Variants in NEGR1 observed in about 807,000 individuals in gnomAD.
The protein encoded by NEGR1 is IgLON family member 4.
In NEGR1, 10 loss-of-function variants were observed where a neutral mutation model predicts 40.9. The ratio of observed to expected loss-of-function variants is 0.24; its 90% CI spans 0.15 to 0.42. The LOEUF (loss-of-function observed/expected upper bound fraction) is 0.42, where lower values mean the gene tolerates loss of function less well. NEGR1 is among the 10% of genes least tolerant of loss of function. The pLI is 1.00. For missense variants in NEGR1, 352 were observed against 438.9 expected (o/e 0.80, Z 1.77); for synonymous variants, 185 against 166.8 (o/e 1.11, Z -0.84).
chr1:71,818,199 A>T (rs1291733046), intron 2 of NEGR1, among the ~76,000 whole-genome samples: 5 of 152,002 alleles, frequency 3.3e-5, no homozygotes, highest in African/African-American at 1.2e-4. Flanking sequence ...TACCCACAGG[A>T]ATATAAATCA....
intron 1 of NEGR1, among the ~76,000 whole-genome samples, chr1:72,099,585 C>T (rs530897466): frequency 1.3e-5 from 2 of 152,052 alleles, no homozygotes; most frequent in Admixed American, 6.6e-5. Flanking sequence ...ACTTATCACT[C>T]GCTCTGGTCC....
At chr1:72,270,801 T>C (rs1309206959) in intron 1 of NEGR1, among the ~76,000 whole-genome samples, 1 of 151,832 alleles carries the variant, frequency 6.6e-6, no homozygotes, top group African/African-American at 2.4e-5. Context: ...GAGCATAAAA[T>C]TTGTGATTCC....
intron 4 of NEGR1, among the ~76,000 whole-genome samples, chr1:71,675,170 T>C (rs977787307): frequency 2.6e-5 from 3 of 117,264 alleles, no homozygotes; most frequent in African/African-American, 8.8e-5. Flanking sequence ...TTAAAGCAGG[T>C]GTTAGCATGC....
intron 3 of NEGR1, among the ~76,000 whole-genome samples, chr1:71,766,259 A>C (rs1209642085): frequency 6.6e-6 from 1 of 152,084 alleles, no homozygotes; most frequent in Non-Finnish European, 1.5e-5. Context: ...TAAAGATGTA[A>C]GAAAAAGATA....
At chr1:72,229,335 AAATAT>A (rs954065607) in intron 1 of NEGR1, among the ~76,000 whole-genome samples, 10 of 148,788 alleles carry the variant, frequency 6.7e-5, no homozygotes, top group South Asian at 2.1e-4. Flanking sequence ...TATTATATTA[AAATAT>A]AATATAATAT....
chr1:72,236,427 T>A lies in NEGR1; in HGVS notation c.176+45892A>T, dbSNP rs868027826. 2.7e-5 allele frequency among the ~76,000 whole-genome samples: 4 copies of A among 150,758 alleles called. No individual in the cohort carries two copies. In the Middle Eastern group the frequency reaches 0.01, roughly 385 times the overall value. On this transcript the variant is annotated intron_variant, in intron 1 of 6. Transcript: ENST00000357731. ...CACATGTATCCCAGAACTTAAAGTA[T>A]AATAAAAAAAAGAAGAAGAAGAAAA...
chr1:71,756,060 A>G (rs939372328), intron 3 of NEGR1, among the ~76,000 whole-genome samples: 4 of 152,180 alleles, frequency 2.6e-5, no homozygotes, highest in Non-Finnish European at 5.9e-5. Flanking sequence ...TTTTTAATAC[A>G]TGAGAGATAT....
At chr1:71,724,710 CCT>C (rs1654617538) in intron 3 of NEGR1, among the ~76,000 whole-genome samples, 1 of 152,092 alleles carries the variant, frequency 6.6e-6, no homozygotes, top group African/African-American at 2.4e-5. Flanking sequence ...CTAATTATCC[CCT>C]GTTATACCAG....
chr1:72,126,091 A>ATGTGTGTGTGTGTGTGTG (rs67552146), intron 1 of NEGR1, among the ~76,000 whole-genome samples: 7 of 146,828 alleles, frequency 4.8e-5, no homozygotes, highest in African/African-American at 1.8e-4. Flanking sequence ...AGAGAAAAGT[A>ATGTGTGTGTGTGTGTGTG]TGTGTGTGTG....
chr1:71,495,849 GT>G (rs1470557988), intron 6 of NEGR1, among the ~76,000 whole-genome samples: 1 of 152,166 alleles, frequency 6.6e-6, no homozygotes, highest in Non-Finnish European at 1.5e-5. Context: ...TAACAAAATA[GT>G]TCAACAGTTC....
At position 71,776,315 on chromosome 1, in the gene NEGR1, G is replaced by A. The variant is rs1173080949; in HGVS notation, c.410-18C>T. ...AGGAGGAACTGAAATGACAAAATAC[G>A]CAGTGATTAGAAAAAAATATATAAA... On this transcript the variant is annotated intron_variant, in intron 2 of 6. Coordinates refer to ENST00000357731, the MANE Select transcript of NEGR1 (RefSeq NM_173808.3). 8.7e-6 allele frequency: 13 copies of A among 1,489,588 alleles called. No homozygotes were observed. Among genetic ancestry groups the A allele is most frequent in the Admixed American group, 7.9e-5 (4 of 50,368 alleles). 92.3% of individuals were successfully genotyped at this position (1,489,588 alleles called of 1,614,324 possible). A position where few individuals can be genotyped will look rare whatever the true frequency, so the allele number is the denominator to read the frequency against.
rs3980431 is a variant in NEGR1 at position 71,688,349 on chromosome 1, G to T, written c.667+9659C>A. Among the ~76,000 whole-genome samples the T allele has an allele frequency of 2.3e-3, 86 of 37,886 alleles. 1 individual carries two copies. Among genetic ancestry groups the T allele is most frequent in the South Asian group, 3.3e-3 (4 of 1,228 alleles). The allele number at this position is 37,886 out of a possible 152,430, so 24.9% of individuals were successfully genotyped here. A position where few individuals can be genotyped will look rare whatever the true frequency, so the allele number is the denominator to read the frequency against. On this transcript the variant is annotated intron_variant, in intron 4 of 6. Transcript: ENST00000357731. ...ATATAGATAGATAGATAGATAGATA[G>T]ATAGATTATATATATATGAGATATA...
At chr1:71,956,971 C>T (rs1646124655) in intron 1 of NEGR1, among the ~76,000 whole-genome samples, 1 of 152,116 alleles carries the variant, frequency 6.6e-6, no homozygotes, top group African/African-American at 2.4e-5. Context: ...ATTCTACTTC[C>T]ATGTGCATAT....
intron 1 of NEGR1, among the ~76,000 whole-genome samples, chr1:72,181,578 T>C (rs886107741): frequency 1.3e-5 from 2 of 152,126 alleles, no homozygotes; most frequent in African/African-American, 4.8e-5. Flanking sequence ...ATACCCACCC[T>C]ACTCCCCAAA....
At chr1:72,005,910 T>C (rs529358922) in intron 1 of NEGR1, among the ~76,000 whole-genome samples, 3 of 152,166 alleles carry the variant, frequency 2.0e-5, no homozygotes, top group Non-Finnish European at 2.9e-5. Flanking sequence ...TAATGTTAAA[T>C]ATACTTTTCA....
At chr1:71,906,787 C>T (rs886782975) in intron 2 of NEGR1, among the ~76,000 whole-genome samples, 1 of 152,108 alleles carries the variant, frequency 6.6e-6, no homozygotes, top group Non-Finnish European at 1.5e-5. Context: ...GTGTATAATT[C>T]ACATCTGCTA....
At chr1:71,472,872 G>A (rs373381105) in intron 6 of NEGR1, among the ~76,000 whole-genome samples, 25 of 151,894 alleles carry the variant, frequency 1.6e-4, no homozygotes, top group East Asian at 7.8e-4. Context: ...TATATAAAAC[G>A]TAAATATACA....
intron 2 of NEGR1, among the ~76,000 whole-genome samples, chr1:71,814,648 A>G (rs1430307861): frequency 2.0e-5 from 3 of 152,026 alleles, no homozygotes; most frequent in Non-Finnish European, 2.9e-5. Flanking sequence ...GGGAGGGTGT[A>G]TGTATCCAGC....
intron 1 of NEGR1, among the ~76,000 whole-genome samples, chr1:72,232,406 C>T (rs1011141566): frequency 2.0e-5 from 3 of 150,960 alleles, no homozygotes; most frequent in Admixed American, 2.0e-4. Flanking sequence ...TACAATCAAG[C>T]ATACAAACCA....
Sources: gnomAD v4.1 joint callset for allele counts (sites outside exome capture counted in the v4.1 genomes callset) on GRCh38, gnomAD v4.1.1 for gene constraint, MANE v1.5 for transcripts, NCBI Gene and HGNC (gene_info 2026-07-23, HGNC 2026-07-21) for gene names.